Variants in TMEFF2 observed in about 807,000 individuals in gnomAD.
The protein encoded by TMEFF2 is transmembrane protein with EGF like and two follistatin like domains 2.
Under a neutral mutation model 53.8 loss-of-function variants are expected in TMEFF2, and 28 were observed. The observed-to-expected ratio is 0.52, with a 90% CI of 0.39 to 0.71. TMEFF2 has a LOEUF of 0.71. Ranked by LOEUF, TMEFF2 falls within the 30% of genes least tolerant of loss-of-function variation. The pLI is 0.00. For missense variants in TMEFF2, 353 were observed against 455.2 expected, an observed-to-expected ratio of 0.78 and a Z score of 2.04; for synonymous variants, 162 against 166.3, an observed-to-expected ratio of 0.97 and a Z score of 0.20.
chr2:192,021,143 T>C (rs971092124), intron 5 of TMEFF2, among the ~76,000 whole-genome samples: 3 of 152,174 alleles, frequency 2.0e-5, no homozygotes, highest in Admixed American at 6.5e-5. Context: ...GTCTTTCTTT[T>C]TAAATTCTCA....
intron 5 of TMEFF2, chr2:192,031,212 T>C (rs937496828): frequency 6.6e-6 from 1 of 152,138 alleles, no homozygotes; most frequent in East Asian, 1.9e-4. Context: ...TTCTACACTA[T>C]TTTTTTACCT....
At chr2:192,121,719 G>A (rs777221778) in intron 4 of TMEFF2, among the ~76,000 whole-genome samples, 2 of 152,138 alleles carry the variant, frequency 1.3e-5, no homozygotes, top group Admixed American at 6.6e-5. Context: ...TCTGGTCATG[G>A]ATTAGACAGT....
At chr2:191,964,898 T>G (rs922602969) in intron 7 of TMEFF2, among the ~76,000 whole-genome samples, 1 of 152,136 alleles carries the variant, frequency 6.6e-6, no homozygotes, top group Non-Finnish European at 1.5e-5. Flanking sequence ...TTTGAAGCCC[T>G]CTCTTCCCTG....
At chr2:192,107,361 A>G (rs1689172456) in intron 4 of TMEFF2, among the ~76,000 whole-genome samples, 1 of 151,650 alleles carries the variant, frequency 6.6e-6, no homozygotes, top group South Asian at 2.1e-4. Context: ...AAATTTCCAG[A>G]GCTTCCTTCT....
chr2:191,952,228 A>G (rs1319710933), intron 9 of TMEFF2, among the ~76,000 whole-genome samples: 1 of 152,170 alleles, frequency 6.6e-6, no homozygotes, highest in Non-Finnish European at 1.5e-5. Context: ...TGCTTACACA[A>G]TTCCTAGTGA....
Position 192,159,289 on chromosome 2 carries a change from G to T in TMEFF2, c.439+20379C>A, listed in dbSNP as rs914560155. Among the ~76,000 whole-genome samples the T allele has an allele frequency of 4.6e-5, 7 of 152,102 alleles. No individual in the cohort carries two copies. The South Asian group carries it at 1.5e-3, about 32-fold the overall frequency. On this transcript the variant is annotated intron_variant, in intron 4 of 9. Transcript: ENST00000272771. ...GAGTGTTGAGGGGGGGATCAAGGCC[G>T]AAGGATAGCATCAGGGACTAATTCT...
chr2:192,117,490 G>A lies in TMEFF2; in HGVS notation c.440-59715C>T, dbSNP rs10469648. ...GGAAAGGAAAAACAATGAGTGAGAA[G>A]TACTTAAGTTAAAAAGAAAATTTTT... On this transcript the variant is annotated intron_variant, in intron 4 of 9. Transcript: ENST00000272771. Among the ~76,000 whole-genome samples the A allele has an allele frequency of 4.9e-3, 746 of 152,148 alleles. 8 individuals carry two copies. Among genetic ancestry groups the A allele is most frequent in the African/African-American group, 0.017 (724 of 41,526 alleles).
At chr2:192,173,792 C>T (rs1690972275) in intron 4 of TMEFF2, among the ~76,000 whole-genome samples, 1 of 151,704 alleles carries the variant, frequency 6.6e-6, no homozygotes, top group African/African-American at 2.4e-5. Flanking sequence ...GTATTGGATT[C>T]TTAGAGTTAT....
At chr2:191,981,179 GACTT>G (rs1054460286) in intron 7 of TMEFF2, among the ~76,000 whole-genome samples, 25 of 152,168 alleles carry the variant, frequency 1.6e-4, no homozygotes, top group African/African-American at 5.8e-4. Flanking sequence ...TGAGGAAAGA[GACTT>G]AATTGAAGCA....
chr2:191,959,718 A>G (rs911792986), intron 7 of TMEFF2, among the ~76,000 whole-genome samples: 2 of 152,252 alleles, frequency 1.3e-5, no homozygotes, highest in African/African-American at 4.8e-5. Flanking sequence ...TCAAAGGAAC[A>G]CATTATGGAT....
chr2:192,150,614 T>C (rs1690361505), intron 4 of TMEFF2, among the ~76,000 whole-genome samples: 1 of 151,662 alleles, frequency 6.6e-6, no homozygotes, highest in Non-Finnish European at 1.5e-5. Context: ...TTGGGTTACT[T>C]TTCCTAAAGT....
chr2:192,115,281 A>G (rs1183803937), intron 4 of TMEFF2, among the ~76,000 whole-genome samples: 2 of 152,004 alleles, frequency 1.3e-5, no homozygotes, highest in Admixed American at 1.3e-4. Flanking sequence ...AAATAAACCT[A>G]TGTATATAAG....
intron 4 of TMEFF2, among the ~76,000 whole-genome samples, chr2:192,109,008 T>C (rs1689214798): frequency 6.6e-6 from 1 of 151,802 alleles, no homozygotes; most frequent in Non-Finnish European, 1.5e-5. Context: ...AGACAGAAAA[T>C]AGATTAAAGG....
intron 4 of TMEFF2, among the ~76,000 whole-genome samples, chr2:192,128,279 G>T (rs1438765030): frequency 6.6e-6 from 1 of 152,148 alleles, no homozygotes; most frequent in African/African-American, 2.4e-5. Context: ...TACTATGTAA[G>T]AATTGACAGG....
At chr2:192,180,628 G>A (rs2106035269) in intron 3 of TMEFF2, among the ~76,000 whole-genome samples, 1 of 151,650 alleles carries the variant, frequency 6.6e-6, no homozygotes, top group African/African-American at 2.4e-5. Context: ...TCTCACCCAG[G>A]GTTCAAGACT....
At chr2:192,185,616 C>T (rs1011318157) in intron 2 of TMEFF2, among the ~76,000 whole-genome samples, 1 of 151,872 alleles carries the variant, frequency 6.6e-6, no homozygotes, top group Non-Finnish European at 1.5e-5. Flanking sequence ...AAACCTAAAA[C>T]CCTATCATAA....
chr2:192,160,138 T>C (rs1690598623), intron 4 of TMEFF2, among the ~76,000 whole-genome samples: 1 of 152,158 alleles, frequency 6.6e-6, no homozygotes, highest in African/African-American at 2.4e-5. Context: ...GGAGCAAATA[T>C]GTGTGTTTGG....
At chr2:191,957,489 T>C (rs918514739) in intron 7 of TMEFF2, among the ~76,000 whole-genome samples, 2 of 152,228 alleles carry the variant, frequency 1.3e-5, no homozygotes, top group Non-Finnish European at 2.9e-5. Context: ...GGTTTTATTA[T>C]TAGCAGTCAC....
Position 191,950,091 on chromosome 2 carries a change from ATAGT to A in TMEFF2, c.*216_*219del. ...GAAAAAACTATATTGTGTGATATAA[ATAGT>A]TTATTTACATTACAGAAAAAACATC... On this transcript the variant is annotated 3_prime_UTR_variant, in exon 10 of 10. Transcript: ENST00000272771. 1 of 1,300,756 alleles carries A rather than the reference ATAGT, an allele frequency of 7.7e-7. No homozygotes were observed. Among genetic ancestry groups the A allele is most frequent in the Non-Finnish European group, 9.8e-7 (1 of 1,018,416 alleles). The allele number at this position is 1,300,756 out of a possible 1,614,324, so 80.6% of individuals were successfully genotyped here. A position where few individuals can be genotyped will look rare whatever the true frequency, so the allele number is the denominator to read the frequency against.
Sources: gnomAD v4.1 joint callset for allele counts (sites outside exome capture counted in the v4.1 genomes callset) on GRCh38, gnomAD v4.1.1 for gene constraint, MANE v1.5 for transcripts, NCBI Gene and HGNC (gene_info 2026-07-23, HGNC 2026-07-21) for gene names.